KCNQ1: variants seen among roughly 807,000 people sequenced by gnomAD.
KCNQ1 encodes potassium voltage-gated channel subfamily KQT member 1.
A neutral mutation model predicts 72.4 loss-of-function variants in KCNQ1; 49 were observed. That is an observed-to-expected ratio of 0.68 (90% CI 0.54 to 0.86). KCNQ1 has a LOEUF of 0.86. Ranked by LOEUF, KCNQ1 falls within the 40% of genes least tolerant of loss-of-function variation. The pLI is 0.00. For missense variants in KCNQ1, 790 were observed against 945.1 expected (o/e 0.84, Z 2.15); for synonymous variants, 450 against 412.6 (o/e 1.09, Z -1.10).
intron 6 of KCNQ1, among the ~76,000 whole-genome samples, chr11:2,581,983 G>A (rs571914274): frequency 1.3e-5 from 2 of 152,222 alleles, no homozygotes; most frequent in Non-Finnish European, 2.9e-5. Context: ...AAGCATCCTG[G>A]CCATAAGCGA....
intron 2 of KCNQ1, among the ~76,000 whole-genome samples, chr11:2,551,342 G>C (rs946336899): frequency 2.0e-5 from 3 of 152,226 alleles, no homozygotes; most frequent in Non-Finnish European, 2.9e-5. Flanking sequence ...AGAACGTCAT[G>C]TGAATGGAAT....
At chr11:2,540,800 A>G (rs1224236907) in intron 2 of KCNQ1, among the ~76,000 whole-genome samples, 1 of 152,128 alleles carries the variant, frequency 6.6e-6, no homozygotes, top group Admixed American at 6.5e-5. Context: ...CTGTGAGGGG[A>G]CTGCATTTAG....
At chr11:2,540,785 A>T (rs112848196) in intron 2 of KCNQ1, among the ~76,000 whole-genome samples, 63 of 152,284 alleles carry the variant, frequency 4.1e-4, no homozygotes, top group African/African-American at 1.5e-3. Flanking sequence ...CAGCCTGGGG[A>T]CTTGCTGTGA....
intron 11 of KCNQ1, among the ~76,000 whole-genome samples, chr11:2,718,840 G>T: frequency 6.6e-6 from 1 of 152,220 alleles, no homozygotes; most frequent in South Asian, 2.1e-4. Context: ...AGCTGGCTAG[G>T]CAGGCATCCC....
intron 15 of KCNQ1, among the ~76,000 whole-genome samples, chr11:2,793,871 A>G (rs1341491977): frequency 2.0e-5 from 3 of 152,202 alleles, no homozygotes; most frequent in East Asian, 1.9e-4. Context: ...CCGTAATTAC[A>G]TATCTGTCTG....
intron 11 of KCNQ1, chr11:2,686,753 T>C: frequency 2.5e-6 from 1 of 398,622 alleles, no homozygotes; most frequent in Non-Finnish European, 4.4e-6. Context: ...TAGCTTTCAA[T>C]TGTAAATGTG....
chr11:2,799,503 G>A (rs1415560560), intron 15 of KCNQ1, among the ~76,000 whole-genome samples: 1 of 151,786 alleles, frequency 6.6e-6, no homozygotes, highest in African/African-American at 2.4e-5. Flanking sequence ...TTTGTTGTAT[G>A]TGGTGTGTCT....
At chr11:2,605,064 A>G (rs1848860649) in intron 10 of KCNQ1, among the ~76,000 whole-genome samples, 1 of 152,108 alleles carries the variant, frequency 6.6e-6, no homozygotes, top group Non-Finnish European at 1.5e-5. Context: ...GCATCTTTTC[A>G]TGTGTTTATT....
At chr11:2,749,111 AG>A (rs1327405731) in intron 11 of KCNQ1, among the ~76,000 whole-genome samples, 2 of 152,216 alleles carry the variant, frequency 1.3e-5, no homozygotes. Flanking sequence ...GGGCCGCAGG[AG>A]GAAGGAGGCT....
In KCNQ1 at chr11:2,750,034, G is replaced by A. The variant is rs1846203260; in HGVS notation, c.1515-18810G>A. Among the ~76,000 whole-genome samples the A allele has an allele frequency of 6.6e-6, 1 of 152,150 alleles. No individual in the cohort carries two copies. Among genetic ancestry groups the A allele is most frequent in the South Asian group, 2.1e-4 (1 of 4,826 alleles). On this transcript the variant is annotated intron_variant, in intron 11 of 15. Coordinates refer to ENST00000155840, the MANE Select transcript of KCNQ1 (RefSeq NM_000218.3). This position sits in a 1 kb window ranked among gnomAD's most constrained non-coding sequence, Gnocchi z 6.3. ...ATTGTGTGTAAATGAGTGAAAATGG[G>A]GTGAGAGGGAGGGAGTGGGAACAGC... is the stretch of plus-strand genomic sequence containing the variant.
In KCNQ1 at chr11:2,523,761, T is replaced by TTTTG. The variant is rs1172157813; in HGVS notation, c.387-4164_387-4163insGTTT. ...TGGAGGAAGTTTACAGTTTTTTTTT[T>TTTTG]TTTTTTTTTTGAAAGTTTAAAGCTT... On this transcript the variant is annotated intron_variant, in intron 1 of 15. Transcript: ENST00000155840. Among the ~76,000 whole-genome samples the TTTTG allele has an allele frequency of 1.7e-4, 25 of 147,054 alleles. 1 individual carries two copies. The highest frequency in any genetic ancestry group is 5.9e-4 in the African/African-American group (23 of 38,832).
In KCNQ1 at chr11:2,473,058, C is replaced by T. The variant is rs546091344; in HGVS notation, c.386+27574C>T. On this transcript the variant is annotated intron_variant, in intron 1 of 15. Coordinates refer to ENST00000155840, the MANE Select transcript of KCNQ1 (RefSeq NM_000218.3). The surrounding 1 kb of genome is among the most constrained non-coding windows in gnomAD (Gnocchi z 6.0). ...TCCCATGTCCCTCCAGATCATGTCC[C>T]TGAGTGGGGAGCGCCTTCTGGGCAG... 5.3e-5 allele frequency among the ~76,000 whole-genome samples: 8 copies of T among 152,192 alleles called. No individual in the cohort carries two copies. The highest frequency in any genetic ancestry group is 1.2e-4 in the Non-Finnish European group (8 of 68,016).
chr11:2,678,206 C>T lies in KCNQ1; in HGVS notation c.1514+16125C>T. 1 of 398,318 alleles carries T rather than the reference C, an allele frequency of 2.5e-6. No homozygotes were observed. 24.7% of individuals were successfully genotyped at this position (398,318 alleles called of 1,614,324 possible). On this transcript the variant is annotated intron_variant, in intron 11 of 15. Coordinates refer to ENST00000155840, the MANE Select transcript of KCNQ1 (RefSeq NM_000218.3). The surrounding 1 kb of genome is among the most constrained non-coding windows in gnomAD (Gnocchi z 4.9). ...CAGAATTTTTTTAATTTCACATAGTCAGCTGTGTCAGTCTTTTATGGTTTG... is the reference window on the plus strand; with the variant it reads ...CAGAATTTTTTTAATTTCACATAGTTAGCTGTGTCAGTCTTTTATGGTTTG...
intron 2 of KCNQ1, among the ~76,000 whole-genome samples, chr11:2,548,895 AC>A (rs1442023901): frequency 6.6e-6 from 1 of 152,122 alleles, no homozygotes; most frequent in Non-Finnish European, 1.5e-5. Context: ...TAAAGTGAGG[AC>A]CTGTCTGGCG....
chr11:2,732,623 G>A (rs771189943), intron 11 of KCNQ1, among the ~76,000 whole-genome samples: 17 of 152,350 alleles, frequency 1.1e-4, no homozygotes, highest in East Asian at 3.9e-4. Context: ...CCCGAGGGCC[G>A]TCTGACCTTT....
At chr11:2,594,545 T>G (rs1848710189) in intron 10 of KCNQ1, among the ~76,000 whole-genome samples, 1 of 152,236 alleles carries the variant, frequency 6.6e-6, no homozygotes, top group Non-Finnish European at 1.5e-5. Context: ...AACTTCTATT[T>G]GACCATCTCA....
rs1023555984 is a variant in KCNQ1, at chr11:2,748,664, G to A, written c.1515-20180G>A. ...AGAGCCCACAGCAGGGACTCCCCAC[G>A]CCAGGCCCGGCTGGATCACAGAGCT... On this transcript the variant is annotated intron_variant, in intron 11 of 15. Coordinates refer to ENST00000155840, the MANE Select transcript of KCNQ1 (RefSeq NM_000218.3). This position sits in a 1 kb window ranked among gnomAD's most constrained non-coding sequence, Gnocchi z 6.2. Among the ~76,000 whole-genome samples, 1 of 152,168 alleles carries A rather than the reference G, an allele frequency of 6.6e-6. No homozygotes were observed. The highest frequency in any genetic ancestry group is 2.4e-5 in the African/African-American group (1 of 41,436).
At chr11:2,774,314 G>A (rs1008348046) in intron 12 of KCNQ1, among the ~76,000 whole-genome samples, 2 of 152,214 alleles carry the variant, frequency 1.3e-5, no homozygotes, top group Non-Finnish European at 2.9e-5. Context: ...AGTTCTTGGT[G>A]TGTCATTTCT....
chr11:2,584,547 G>GTGTTAGTGTGTA (rs59996753), intron 7 of KCNQ1, among the ~76,000 whole-genome samples: 10,721 of 151,164 alleles, frequency 0.071, 1,199 homozygotes, highest in African/African-American at 0.24. Context: ...GTATGTGTTT[G>GTGTTAGTGTGTA]TGTTAGTGTG....
Sources: allele counts gnomAD v4.1 joint callset (sites outside exome capture counted in the v4.1 genomes callset), GRCh38; gene constraint gnomAD v4.1.1; non-coding constraint Gnocchi (gnomAD v3.1); transcripts MANE v1.5; gene names NCBI Gene and HGNC (gene_info 2026-07-23, HGNC 2026-07-21).